SEMA3A: variants seen among roughly 807,000 people sequenced by gnomAD.
The protein encoded by SEMA3A is semaphorin-3A.
A neutral mutation model predicts 97.9 loss-of-function variants in SEMA3A; 29 were observed. That is an observed-to-expected ratio of 0.30 (90% CI 0.22 to 0.40). The LOEUF is 0.40. Ranked by LOEUF, SEMA3A falls within the 10% of genes least tolerant of loss-of-function variation. The pLI is 1.00. For missense variants in SEMA3A, 763 were observed against 951.3 expected (o/e 0.80, Z 2.60); for synonymous variants, 321 against 323.7 (o/e 0.99, Z 0.09).
Position 84,005,555 on chromosome 7 carries a change from G to T in SEMA3A, c.1144C>A (p.Pro382Thr). 6.2e-7 allele frequency: 1 copy of T among 1,602,722 alleles called. No individual in the cohort carries two copies. The highest frequency in any genetic ancestry group is 8.5e-7 in the Non-Finnish European group (1 of 1,170,044). The change falls in exon 11 of 17, where the codon CCC becomes ACC. Residue 382 changes from proline to threonine, a missense_variant. Around this residue, in one of 2 missense-constraint regions of SEMA3A, gnomAD observed 678 missense variants for 881.3 expected, o/e 0.77. Transcript: ENST00000265362. The part of the protein sequence containing the change: ...RVPYPRPGTC[P>T]SKTFGGFDST... ...TCAAAACCACCAAATGTTTTGCTGG[G>T]ACACTATTAAGATAAAGAGAAAATT...
At chr7:84,171,895 A>G (rs1225347403) in intron 1 of SEMA3A, among the ~76,000 whole-genome samples, 1 of 152,172 alleles carries the variant, frequency 6.6e-6, no homozygotes, top group Non-Finnish European at 1.5e-5. Context: ...GAGAATAACA[A>G]TTCAAACCAT....
chr7:84,064,908 C>T (rs977406642), intron 4 of SEMA3A, among the ~76,000 whole-genome samples: 42 of 152,288 alleles, frequency 2.8e-4, no homozygotes, highest in African/African-American at 3.9e-4. Context: ...CTCAGCTCTG[C>T]GCCAAGCGGA....
At position 84,010,710 on chromosome 7, in the gene SEMA3A, C is replaced by T. The variant is rs193049186; in HGVS notation, c.995+312G>A. On this transcript the variant is annotated intron_variant, in intron 9 of 16. Transcript: ENST00000265362. ...CAAACTCTTCCCAAAACTCAGACTTCCATCTGTATAATATTTTACATTATT... is the reference window on the plus strand; with the variant it reads ...CAAACTCTTCCCAAAACTCAGACTTTCATCTGTATAATATTTTACATTATT... Among the ~76,000 whole-genome samples the T allele has an allele frequency of 3.7e-3, 525 of 140,954 alleles. 2 individuals carry two copies. The highest frequency in any genetic ancestry group is 6.2e-3 in the South Asian group (26 of 4,182). 92.5% of individuals were successfully genotyped at this position (140,954 alleles called of 152,430 possible).
At chr7:84,405,549 T>G (rs376715786) in intron 1 of SEMA3A, among the ~76,000 whole-genome samples, 1 of 152,150 alleles carries the variant, frequency 6.6e-6, no homozygotes, top group Non-Finnish European at 1.5e-5. Context: ...GTAGACGTAA[T>G]AGACATCTAC....
At chr7:84,126,613 T>C (rs1318130776) in intron 3 of SEMA3A, among the ~76,000 whole-genome samples, 1 of 152,200 alleles carries the variant, frequency 6.6e-6, no homozygotes, top group African/African-American at 2.4e-5. Context: ...ATAGGTAAAT[T>C]AGCCATTTCT....
At chr7:84,455,046 T>C (rs1293977074) in intron 1 of SEMA3A, among the ~76,000 whole-genome samples, 2 of 152,008 alleles carry the variant, frequency 1.3e-5, no homozygotes. Context: ...GTTCTCATTT[T>C]ATGACATTGA....
At position 83,980,603 on chromosome 7, in the gene SEMA3A, CAAAA is replaced by C. The variant is rs749889921; in HGVS notation, c.1652+714_1652+717del. Among the ~76,000 whole-genome samples the C allele has an allele frequency of 1.3e-4, 7 of 53,970 alleles. No individual in the cohort carries two copies. The South Asian group carries it at 1.7e-3, about 13-fold the overall frequency. 35.4% of individuals were successfully genotyped at this position (53,970 alleles called of 152,430 possible). On this transcript the variant is annotated intron_variant, in intron 14 of 16. Transcript: ENST00000265362. The stretch of plus-strand genomic sequence containing the variant: ...CTGGTGACAGAGTGAGACTCCATCT[CAAAA>C]AAAAAAAAAAAAAAAAATATATATA...
At chr7:84,426,995 C>T (rs1318718348) in intron 1 of SEMA3A, among the ~76,000 whole-genome samples, 1 of 152,104 alleles carries the variant, frequency 6.6e-6, no homozygotes, top group Non-Finnish European at 1.5e-5. Context: ...AGACTGACCC[C>T]TGATGTTGGG....
At chr7:84,148,909 T>C (rs189013447) in intron 1 of SEMA3A, among the ~76,000 whole-genome samples, 76 of 152,302 alleles carry the variant, frequency 5.0e-4, no homozygotes, top group Middle Eastern at 3.4e-3. Flanking sequence ...ATATAGTACA[T>C]AGAACATACA....
At chr7:84,137,017 T>G (rs987663180) in intron 1 of SEMA3A, among the ~76,000 whole-genome samples, 7 of 134,100 alleles carry the variant, frequency 5.2e-5, no homozygotes, top group Non-Finnish European at 6.5e-5. Flanking sequence ...AAAGAGTTTG[T>G]ATTCATGTGA....
chr7:84,051,204 G>A (rs918434140), intron 5 of SEMA3A, among the ~76,000 whole-genome samples: 4 of 150,088 alleles, frequency 2.7e-5, no homozygotes, highest in African/African-American at 9.8e-5. Context: ...CTCTTTTTTG[G>A]TTCCATATGA....
At chr7:84,018,589 T>C (rs1791194191) in intron 6 of SEMA3A, among the ~76,000 whole-genome samples, 1 of 152,144 alleles carries the variant, frequency 6.6e-6, no homozygotes, top group African/African-American at 2.4e-5. Flanking sequence ...CAGAAAGAAT[T>C]TGCATAAGTC....
At chr7:84,470,503 G>A (rs928757391) in intron 1 of SEMA3A, among the ~76,000 whole-genome samples, 4 of 152,098 alleles carry the variant, frequency 2.6e-5, no homozygotes, top group Non-Finnish European at 5.9e-5. Context: ...GAAGATGGGA[G>A]AGTACAGACT....
rs1362660095 is a variant in SEMA3A at position 83,956,179 on chromosome 7, A to C, written c.*5192T>G. On this transcript the variant is annotated 3_prime_UTR_variant, in exon 17 of 17. Coordinates refer to ENST00000265362, the MANE Select transcript of SEMA3A (RefSeq NM_006080.3). ...ATTACTCCATCTAAGGTATGCCTTG[A>C]ACAAATGCAGACTTCACATTTTAAT... The C allele has an allele frequency of 6.6e-6, 1 of 152,154 alleles. No individual in the cohort carries two copies. Among genetic ancestry groups the C allele is most frequent in the Non-Finnish European group, 1.5e-5 (1 of 68,008 alleles). The allele number at this position is 152,154 out of a possible 1,614,324, so 9.4% of individuals were successfully genotyped here. A position where few individuals can be genotyped will look rare whatever the true frequency, so the allele number is the denominator to read the frequency against.
intron 3 of SEMA3A, among the ~76,000 whole-genome samples, chr7:84,295,059 T>C (rs1180802145): frequency 3.9e-5 from 6 of 152,058 alleles, no homozygotes; most frequent in African/African-American, 1.4e-4. Flanking sequence ...ATTATGTTCA[T>C]TCCATCCAAA....
chr7:84,003,469 T>TAATC (rs1223604320), intron 11 of SEMA3A, among the ~76,000 whole-genome samples: 13 of 152,272 alleles, frequency 8.5e-5, no homozygotes, highest in African/African-American at 2.9e-4. Flanking sequence ...AAAATTACTG[T>TAATC]AATCAGTTTA....
chr7:84,246,251 A>G (rs1385328456), intron 3 of SEMA3A, among the ~76,000 whole-genome samples: 1 of 152,200 alleles, frequency 6.6e-6, no homozygotes, highest in Non-Finnish European at 1.5e-5. Flanking sequence ...CCAGGAATAC[A>G]ATTTCGTTGT....
intron 1 of SEMA3A, among the ~76,000 whole-genome samples, chr7:84,182,656 AT>A (rs1200395659): frequency 2.0e-5 from 3 of 152,034 alleles, no homozygotes; most frequent in African/African-American, 7.2e-5. Context: ...ACTTAAAACA[AT>A]TACACAAATT....
At chr7:83,984,409 T>C (rs993383498) in intron 13 of SEMA3A, among the ~76,000 whole-genome samples, 20 of 152,092 alleles carry the variant, frequency 1.3e-4, no homozygotes, top group Non-Finnish European at 2.5e-4. Flanking sequence ...TTGATATGTC[T>C]GTGTAGGAAA....
Sources: allele counts gnomAD v4.1 joint callset (sites outside exome capture counted in the v4.1 genomes callset), GRCh38; gene constraint gnomAD v4.1.1; regional missense constraint gnomAD v4.1.1; transcripts MANE v1.5; gene names NCBI Gene and HGNC (gene_info 2026-07-23, HGNC 2026-07-21).